The following ANOS1 variants were observed in gnomAD, a reference collection of about 807,000 sequenced individuals.
ANOS1 encodes anosmin-1.
Under a neutral mutation model 59.0 loss-of-function variants are expected in ANOS1, and 6 were observed. The observed-to-expected ratio is 0.10, with a 90% CI of 0.06 to 0.20. ANOS1 has a LOEUF of 0.20. Ranked by LOEUF, ANOS1 falls within the 10% of genes least tolerant of loss-of-function variation. The probability of loss-of-function intolerance (pLI) is 1.00; values close to 1 mark genes in which losing one functional copy is unlikely to be tolerated. For synonymous variants in ANOS1, 217 were observed against 223.4 expected (o/e 0.97, Z 0.25); for missense variants, 433 against 542.3 (o/e 0.80, Z 2.00).
At chrX:8,621,084 G>T (rs1224217782) in intron 3 of ANOS1, among the ~76,000 whole-genome samples, 1 of 111,938 alleles carries the variant, frequency 8.9e-6, no homozygotes, top group Non-Finnish European at 1.9e-5. Context: ...TCTATAAACA[G>T]GTCAGGAGCA....
At chrX:8,569,198 G>A (rs1476943312) in intron 7 of ANOS1, among the ~76,000 whole-genome samples, 1 of 112,179 alleles carries the variant, frequency 8.9e-6, no homozygotes, top group Non-Finnish European at 1.9e-5. Context: ...GGTGGGACCT[G>A]TCAGCATTTC....
intron 1 of ANOS1, among the ~76,000 whole-genome samples, chrX:8,715,961 G>A (rs899233521): frequency 2.7e-5 from 3 of 110,596 alleles, no homozygotes; most frequent in East Asian, 2.9e-4. Flanking sequence ...CAGCCAGCGC[G>A]TCTGTAGAGC....
rs1359110452 is a variant in ANOS1, at chrX:8,597,251, G to A, written c.324C>T (p.Leu108=). 2.5e-6 allele frequency: 3 copies of A among 1,200,835 alleles called. No individual in the cohort carries two copies. Among genetic ancestry groups the A allele is most frequent in the Non-Finnish European group, 1.1e-6 (1 of 887,067 alleles). Reference sequence around the variant, plus strand: ...AGCATTCGTAGCTCTTCTTGGGGAAGAGAGGCTAAGTCAAAGAAGAATTTT... The same window carrying A: ...AGCATTCGTAGCTCTTCTTGGGGAAAAGAGGCTAAGTCAAAGAAGAATTTT... ...KHQCQSFCEP[L]FPKKSYECLT... Residue 108 remains leucine (L), a synonymous_variant, in exon 4 of 14, where the codon CTC becomes CTT. Coordinates refer to ENST00000262648, the MANE Select transcript of ANOS1 (RefSeq NM_000216.4).
intron 2 of ANOS1, among the ~76,000 whole-genome samples, chrX:8,683,391 G>A (rs931715295): frequency 1.8e-5 from 2 of 111,160 alleles, no homozygotes; most frequent in African/African-American, 3.3e-5. Context: ...GATGGAGCTA[G>A]TGAATCCCTT....
intron 4 of ANOS1, among the ~76,000 whole-genome samples, chrX:8,591,861 T>C (rs780699114): frequency 8.9e-6 from 1 of 112,660 alleles, no homozygotes. Context: ...TTTTTTATTA[T>C]GTAAATGATT....
At position 8,608,486 on chromosome X, in the gene ANOS1, C is replaced by T. The variant is rs748993034; in HGVS notation, c.319-11230G>A. Among the ~76,000 whole-genome samples, 8 of 110,963 alleles carry T rather than the reference C, an allele frequency of 7.2e-5. No individual in the cohort carries two copies. In the South Asian group the frequency reaches 2.6e-3, roughly 37 times the overall value. Reference sequence around the variant, plus strand: ...ATTCTACAAACTCATCACATCCATCCAAGATACAAGAAAAAAAAATCTCAT... The same window carrying T: ...ATTCTACAAACTCATCACATCCATCTAAGATACAAGAAAAAAAAATCTCAT... On this transcript the variant is annotated intron_variant, in intron 3 of 13. Coordinates refer to ENST00000262648, the MANE Select transcript of ANOS1 (RefSeq NM_000216.4).
At chrX:8,721,264 C>T (rs768226745) in intron 1 of ANOS1, among the ~76,000 whole-genome samples, 23 of 111,408 alleles carry the variant, frequency 2.1e-4, no homozygotes, top group Non-Finnish European at 4.1e-4. Flanking sequence ...GGTGCTGTTT[C>T]CCCTCTGTCT....
At chrX:8,669,543 C>A (rs1932221121) in intron 2 of ANOS1, among the ~76,000 whole-genome samples, 1 of 110,119 alleles carries the variant, frequency 9.1e-6, no homozygotes, top group Admixed American at 9.7e-5. Context: ...ATTCAGCATC[C>A]AATAGACCTC....
intron 2 of ANOS1, among the ~76,000 whole-genome samples, chrX:8,649,473 G>A (rs1176676523): frequency 9.0e-6 from 1 of 111,441 alleles, no homozygotes; most frequent in Non-Finnish European, 1.9e-5. Flanking sequence ...TATCAACATG[G>A]TCCACAGAGG....
At chrX:8,585,219 TG>T in intron 6 of ANOS1, 47 bp downstream of exon 6, 1 of 1,178,910 alleles carries the variant, frequency 8.5e-7, no homozygotes, top group East Asian at 3.0e-5. Context: ...CATGTGTGCC[TG>T]GTAGCAAGGA....
intron 2 of ANOS1, among the ~76,000 whole-genome samples, chrX:8,685,197 C>T (rs1040577745): frequency 4.5e-5 from 5 of 111,312 alleles, no homozygotes; most frequent in African/African-American, 9.8e-5. Flanking sequence ...TTAAACCCTG[C>T]GTTTTCTTCA....
intron 7 of ANOS1, among the ~76,000 whole-genome samples, chrX:8,569,204 A>C (rs193155210): frequency 1.0e-3 from 112 of 112,306 alleles, no homozygotes; most frequent in Non-Finnish European, 1.4e-3. Flanking sequence ...ACCTGTCAGC[A>C]TTTCATCATG....
At chrX:8,727,271 A>G (rs959444171) in intron 1 of ANOS1, among the ~76,000 whole-genome samples, 1 of 111,274 alleles carries the variant, frequency 9.0e-6, no homozygotes, top group Admixed American at 9.5e-5. Flanking sequence ...CCATTCCCCC[A>G]TCACCTGGCA....
At chrX:8,663,015 A>AAAAT (rs1348179340) in intron 2 of ANOS1, among the ~76,000 whole-genome samples, 3 of 110,900 alleles carry the variant, frequency 2.7e-5, no homozygotes, top group African/African-American at 6.6e-5. Flanking sequence ...ACTCTGTCTC[A>AAAAT]AAATAAATAA....
At chrX:8,570,058 G>C (rs951547256) in intron 7 of ANOS1, among the ~76,000 whole-genome samples, 2 of 107,432 alleles carry the variant, frequency 1.9e-5, no homozygotes, top group Non-Finnish European at 3.8e-5. Context: ...TTACTGCTCA[G>C]TGATTAGATT....
intron 2 of ANOS1, among the ~76,000 whole-genome samples, chrX:8,630,578 G>C (rs1931472960): frequency 8.9e-6 from 1 of 112,203 alleles, no homozygotes; most frequent in Non-Finnish European, 1.9e-5. Context: ...ACTAGAACTT[G>C]ACCAGCTGTA....
chrX:8,732,050 G>A lies in ANOS1; in HGVS notation c.-14C>T. The A allele has an allele frequency of 1.1e-6, 1 of 924,465 alleles. No homozygotes were observed. The highest frequency in any genetic ancestry group is 1.3e-6 in the Non-Finnish European group (1 of 744,953). The allele number at this position is 924,465 out of a possible 1,213,427, so 76.2% of individuals were successfully genotyped here. ...CCCGGGCACCATGGCTGCGGGTCGAGGGCGAGGGCGAGGGCGCCGGGCGCG... is the reference window on the plus strand; with the variant it reads ...CCCGGGCACCATGGCTGCGGGTCGAAGGCGAGGGCGAGGGCGCCGGGCGCG... On this transcript the variant is annotated 5_prime_UTR_variant, in exon 1 of 14. Coordinates refer to ENST00000262648, the MANE Select transcript of ANOS1 (RefSeq NM_000216.4).
In ANOS1 at chrX:8,603,292, T is replaced by A. The variant is rs77124156; in HGVS notation, c.319-6036A>T. ...GAGGTGCATTGGATTAAGTAAAAAATCCTTCATATGTTAACGAATAGATAT... is the reference window on the plus strand; with the variant it reads ...GAGGTGCATTGGATTAAGTAAAAAAACCTTCATATGTTAACGAATAGATAT... On this transcript the variant is annotated intron_variant, in intron 3 of 13. Coordinates refer to ENST00000262648, the MANE Select transcript of ANOS1 (RefSeq NM_000216.4). Among the ~76,000 whole-genome samples, 8 of 111,749 alleles carry A rather than the reference T, an allele frequency of 7.2e-5. 1 individual carries two copies. The East Asian group carries it at 2.3e-3, about 32-fold the overall frequency.
At chrX:8,689,415 G>T (rs1033203608) in intron 2 of ANOS1, among the ~76,000 whole-genome samples, 5 of 110,363 alleles carry the variant, frequency 4.5e-5, no homozygotes, top group African/African-American at 1.6e-4. Context: ...ACAGACTTCA[G>T]GCCGGTCTCC....
Sources: gnomAD v4.1 joint callset for allele counts (sites outside exome capture counted in the v4.1 genomes callset) on GRCh38, gnomAD v4.1.1 for gene constraint, MANE v1.5 for transcripts, NCBI Gene and HGNC (gene_info 2026-07-23, HGNC 2026-07-21) for gene names.